Variants in TBC1D32 observed in about 807,000 individuals in gnomAD.
The protein encoded by TBC1D32 is protein broad-minded.
TBC1D32 carries 151 observed loss-of-function variants against 170.3 expected under a neutral mutation model. The ratio of observed to expected loss-of-function variants is 0.89; its 90% CI spans 0.78 to 1.01. The LOEUF (loss-of-function observed/expected upper bound fraction) is 1.01. Among genes scored for constraint, TBC1D32 ranks in the 50% least tolerant of loss-of-function variants. The pLI is 0.00. For synonymous variants in TBC1D32, 498 were observed against 488.0 expected (o/e 1.02, Z -0.27); for missense variants, 1,464 against 1,457.1 (o/e 1.00, Z -0.08).
At chr6:121,175,995 A>T (rs1474996280) in intron 22 of TBC1D32, among the ~76,000 whole-genome samples, 1 of 152,218 alleles carries the variant, frequency 6.6e-6, no homozygotes, top group Non-Finnish European at 1.5e-5. Context: ...CTAAGTGCCT[A>T]CTACTGTTTT....
chr6:121,263,813 T>C (rs1202055477), intron 15 of TBC1D32, among the ~76,000 whole-genome samples: 2 of 152,058 alleles, frequency 1.3e-5, no homozygotes, highest in African/African-American at 4.8e-5. Flanking sequence ...ACATCAAAAT[T>C]GAACAACCTG....
At chr6:121,291,904 T>C in intron 12 of TBC1D32, 149 bp downstream of exon 12, 2 of 749,624 alleles carry the variant, frequency 2.7e-6, no homozygotes, top group Non-Finnish European at 3.7e-6. Context: ...AGAAAACAAA[T>C]ACTTCAAAGT....
intron 15 of TBC1D32, among the ~76,000 whole-genome samples, chr6:121,259,897 C>T (rs1799541216): frequency 6.6e-6 from 1 of 152,134 alleles, no homozygotes; most frequent in Non-Finnish European, 1.5e-5. Flanking sequence ...CAGTGTGCTT[C>T]TTGAAAGGTA....
intron 22 of TBC1D32, among the ~76,000 whole-genome samples, chr6:121,169,355 T>C (rs1237512243): frequency 6.6e-6 from 1 of 152,178 alleles, no homozygotes; most frequent in Admixed American, 6.6e-5. Flanking sequence ...CTGGGAGAAC[T>C]GGCTATCTAT....
chr6:121,132,436 C>A (rs1781538275), intron 24 of TBC1D32, among the ~76,000 whole-genome samples: 1 of 151,930 alleles, frequency 6.6e-6, no homozygotes, highest in Admixed American at 6.6e-5. Flanking sequence ...ACTTTGCAAA[C>A]CTTATTAAAA....
At chr6:121,332,980 CAATT>C (rs546705738) in intron 1 of TBC1D32, among the ~76,000 whole-genome samples, 103 of 152,190 alleles carry the variant, frequency 6.8e-4, no homozygotes, top group Admixed American at 3.8e-3. Flanking sequence ...TTTTAAAACT[CAATT>C]GAGAAGGTAG....
intron 30 of TBC1D32, among the ~76,000 whole-genome samples, chr6:121,100,468 A>G (rs1777899796): frequency 6.6e-6 from 1 of 151,968 alleles, no homozygotes; most frequent in Non-Finnish European, 1.5e-5. Context: ...GGGTGCATAT[A>G]TATTTAGGAT....
intron 22 of TBC1D32, among the ~76,000 whole-genome samples, chr6:121,177,346 C>T (rs1787910926): frequency 6.6e-6 from 1 of 152,078 alleles, no homozygotes; most frequent in African/African-American, 2.4e-5. Context: ...AGCATCTTCC[C>T]TCTTGCTCCT....
Position 121,110,333 on chromosome 6 carries a change from G to A in TBC1D32, c.3324+2172C>T, listed in dbSNP as rs141599798. On this transcript the variant is annotated intron_variant, in intron 29 of 31. Coordinates refer to ENST00000398212, the MANE Select transcript of TBC1D32 (RefSeq NM_152730.6). ...TACATTTATTGAGTGATTACTATGG[G>A]CCTATAGTTTGGGACACATCTATGA... is the stretch of plus-strand genomic sequence containing the variant. Among the ~76,000 whole-genome samples the A allele has an allele frequency of 3.8e-3, 573 of 151,318 alleles. 2 individuals are homozygous for A. Among genetic ancestry groups the A allele is most frequent in the Non-Finnish European group, 6.7e-3 (456 of 67,784 alleles).
intron 10 of TBC1D32, 126 bp from the exon 11 acceptor site, chr6:121,294,786 C>CTTAAA: frequency 1.4e-6 from 1 of 723,498 alleles, no homozygotes; most frequent in South Asian, 1.6e-5. Context: ...AGTACAGTAC[C>CTTAAA]TTTCTAGCCC....
At chr6:121,281,105 G>T (rs1173446705) in intron 14 of TBC1D32, among the ~76,000 whole-genome samples, 1 of 151,674 alleles carries the variant, frequency 6.6e-6, no homozygotes, top group Non-Finnish European at 1.5e-5. Context: ...GTTCAAATTG[G>T]AATTCTATAT....
At chr6:121,153,066 G>T (rs1365917577) in intron 24 of TBC1D32, among the ~76,000 whole-genome samples, 2 of 152,094 alleles carry the variant, frequency 1.3e-5, no homozygotes, top group South Asian at 4.1e-4. Flanking sequence ...GTAATCCTTT[G>T]CAGGAGAAAA....
chr6:121,200,760 C>T (rs1891646), intron 22 of TBC1D32, among the ~76,000 whole-genome samples: 97,442 of 151,184 alleles, frequency 0.64, 37,206 homozygotes, highest in Non-Finnish European at 0.84. Context: ...ATTCATAGAG[C>T]AAGCTTTGTG....
At chr6:121,178,836 A>G (rs1038209067) in intron 22 of TBC1D32, among the ~76,000 whole-genome samples, 2 of 152,180 alleles carry the variant, frequency 1.3e-5, no homozygotes, top group Non-Finnish European at 2.9e-5. Context: ...CAAGAAAATA[A>G]AGCCTTCAGT....
intron 24 of TBC1D32, among the ~76,000 whole-genome samples, chr6:121,141,789 G>A (rs143918798): frequency 0.012 from 1,885 of 151,726 alleles, 38 homozygotes; most frequent in African/African-American, 0.043. Flanking sequence ...AGGGTGGTGG[G>A]AAAAGTTGTA....
At chr6:121,197,657 G>A (rs1276975120) in intron 22 of TBC1D32, among the ~76,000 whole-genome samples, 2 of 152,160 alleles carry the variant, frequency 1.3e-5, no homozygotes, top group Admixed American at 6.5e-5. Context: ...AGTGTAAGAA[G>A]GATAGCTGTA....
At chr6:121,150,077 T>A (rs1784016557) in intron 24 of TBC1D32, among the ~76,000 whole-genome samples, 1 of 152,186 alleles carries the variant, frequency 6.6e-6, no homozygotes, top group East Asian at 1.9e-4. Flanking sequence ...AGAGAGGGCA[T>A]CCTTATCTGT....
intron 27 of TBC1D32, among the ~76,000 whole-genome samples, chr6:121,113,582 T>C (rs1356881785): frequency 6.6e-6 from 1 of 152,138 alleles, no homozygotes; most frequent in East Asian, 1.9e-4. Context: ...TGTGTAGGAC[T>C]ATTTTTGATT....
chr6:121,131,419 C>CA (rs1364570451), intron 25 of TBC1D32, among the ~76,000 whole-genome samples: 1 of 151,350 alleles, frequency 6.6e-6, no homozygotes, highest in Non-Finnish European at 1.5e-5. Context: ...ACTGTTTAGA[C>CA]AGTTCCAAAA....
Sources: allele counts gnomAD v4.1 joint callset (sites outside exome capture counted in the v4.1 genomes callset), GRCh38; gene constraint gnomAD v4.1.1; transcripts MANE v1.5; gene names NCBI Gene and HGNC (gene_info 2026-07-23, HGNC 2026-07-21).